The following TMEM87A variants were observed in gnomAD, a reference collection of about 807,000 sequenced individuals.
TMEM87A encodes transmembrane protein 87A.
In TMEM87A, 50 loss-of-function variants were observed where a neutral mutation model predicts 90.0. The ratio of observed to expected loss-of-function variants is 0.56; its 90% CI spans 0.44 to 0.70. The LOEUF (loss-of-function observed/expected upper bound fraction) is 0.70. TMEM87A is among the 30% of genes least tolerant of loss of function. TMEM87A has a pLI of 0.00. For synonymous variants in TMEM87A, 226 were observed against 226.7 expected, an observed-to-expected ratio of 1.00 and a Z score of 0.03; for missense variants, 577 against 660.5, an observed-to-expected ratio of 0.87 and a Z score of 1.39.
Position 42,237,630 on chromosome 15 carries a change from G to A in TMEM87A, c.685-15C>T. 1 of 1,547,166 alleles carries A rather than the reference G, an allele frequency of 6.5e-7. No homozygotes were observed. The highest frequency in any genetic ancestry group is 1.2e-5 in the South Asian group (1 of 80,010). On this transcript the variant is annotated splice_polypyrimidine_tract_variant and intron_variant, in intron 8 of 19. Transcript: ENST00000389834. The stretch of plus-strand genomic sequence containing the variant: ...ACCATGAAAAACTGTTATCAAATTG[G>A]GTAAAAGATAAAAAGGAGAATTAGG...
At chr15:42,250,439 G>A (rs115737040) in intron 6 of TMEM87A, among the ~76,000 whole-genome samples, 4,101 of 152,224 alleles carry the variant, frequency 0.027, 127 homozygotes, top group African/African-American at 0.072. Flanking sequence ...GCTTCCTTCC[G>A]GAACTCTTGT....
intron 3 of TMEM87A, among the ~76,000 whole-genome samples, chr15:42,265,275 G>A (rs181783713): frequency 2.0e-5 from 3 of 152,234 alleles, no homozygotes. Context: ...GCTCTTTGAG[G>A]AATTGCCACA....
chr15:42,221,373 A>G lies in TMEM87A; in HGVS notation c.1404-1238T>C, dbSNP rs190065502. On this transcript the variant is annotated intron_variant, in intron 15 of 19. Transcript: ENST00000389834. The stretch of plus-strand genomic sequence containing the variant: ...TCCTACATATTTGGAAAAGCTGTAT[A>G]TATTTTTAAAAGTTGCATTCGTAAG... Among the ~76,000 whole-genome samples, 509 of 152,342 alleles carry G rather than the reference A, an allele frequency of 3.3e-3. 2 individuals are homozygous for G. The highest frequency in any genetic ancestry group is 5.7e-3 in the Admixed American group (87 of 15,298).
chr15:42,242,578 G>C (rs1011319048), intron 7 of TMEM87A, among the ~76,000 whole-genome samples: 17 of 151,940 alleles, frequency 1.1e-4, no homozygotes, highest in Non-Finnish European at 1.8e-4. Context: ...AAGAGAGAGA[G>C]AGACAGACAG....
rs527910737 is a variant in TMEM87A at position 42,225,906 on chromosome 15, G to A, written c.1403+900C>T. On this transcript the variant is annotated intron_variant, in intron 15 of 19. Coordinates refer to ENST00000389834, the MANE Select transcript of TMEM87A (RefSeq NM_015497.5). ...TACTTACAGTTATACTTGGTTTTAT[G>A]GTGCTTCATTTTACTGTGCTTCCCA... 3.9e-5 allele frequency among the ~76,000 whole-genome samples: 6 copies of A among 152,162 alleles called. No homozygotes were observed. In the South Asian group the frequency reaches 6.2e-4, roughly 16 times the overall value.
intron 6 of TMEM87A, chr15:42,258,247 T>A (rs6493027): frequency 1.2e-6 from 1 of 821,322 alleles, no homozygotes; most frequent in Non-Finnish European, 1.5e-6. Context: ...AGTCATATAA[T>A]ACATACTCTA....
Position 42,261,131 on chromosome 15 carries a change from C to T in TMEM87A, c.459+65G>A, listed in dbSNP as rs948461170. 13 of 1,566,124 alleles carry T rather than the reference C, an allele frequency of 8.3e-6. No homozygotes were observed. The East Asian group carries it at 9.1e-5, about 11-fold the overall frequency. On this transcript the variant is annotated intron_variant, in intron 5 of 19. Transcript: ENST00000389834. ...TCCCTCCTTAGAGATGCAGTGAGCA[C>T]GGGTATCTCCTGCACCACCAAAGTT...
intron 4 of TMEM87A, chr15:42,262,252 TA>T (rs1053607556): frequency 1.3e-5 from 2 of 152,202 alleles, no homozygotes; most frequent in African/African-American, 4.8e-5. Flanking sequence ...GTCTAAGGGA[TA>T]AATTTGGAAA....
At chr15:42,238,531 T>C (rs1364268963) in intron 8 of TMEM87A, among the ~76,000 whole-genome samples, 1 of 151,964 alleles carries the variant, frequency 6.6e-6, no homozygotes, top group Non-Finnish European at 1.5e-5. Flanking sequence ...GATCGTGCCA[T>C]TCCACTCCAG....
intron 19 of TMEM87A, among the ~76,000 whole-genome samples, chr15:42,215,049 T>TC (rs1159625082): frequency 2.6e-5 from 4 of 152,268 alleles, no homozygotes; most frequent in Non-Finnish European, 4.4e-5. Context: ...CTAGATGTTA[T>TC]ATAGCCTACT....
At chr15:42,233,558 C>A (rs1344744299) in intron 10 of TMEM87A, among the ~76,000 whole-genome samples, 2 of 152,082 alleles carry the variant, frequency 1.3e-5, no homozygotes, top group African/African-American at 4.8e-5. Flanking sequence ...GAAACATATT[C>A]ACAAGTAGTA....
chr15:42,237,442 T>C lies in TMEM87A; in HGVS notation c.858A>G (p.Lys286=). ...FYAEFQNIRY[K]GESVQGALIL... is the part of the protein sequence containing the mutation. ...TTTCTGGTTACTTACCAGATTCTCC[T>C]TTGTATCGGATATTCTGAAATTCCG... The change falls in exon 9 of 20, where the codon AAA becomes AAG. Residue 286 remains lysine (K), a synonymous_variant. Transcript: ENST00000389834. 6.2e-7 allele frequency: 1 copy of C among 1,613,774 alleles called. No individual in the cohort carries two copies. The highest frequency in any genetic ancestry group is 8.5e-7 in the Non-Finnish European group (1 of 1,179,866).
chr15:42,251,141 T>C (rs984557307), intron 6 of TMEM87A, among the ~76,000 whole-genome samples: 1 of 152,192 alleles, frequency 6.6e-6, no homozygotes, highest in Non-Finnish European at 1.5e-5. Flanking sequence ...GCCATTCATC[T>C]ACTCTTTTTT....
rs8038346 is a variant in TMEM87A, at chr15:42,229,713, G to A, written c.1132-893C>T. ...ATTGGTTGAGAAGCTCATATGGTTTGCTTCCAAAAGCAATGACTCTCCATT... is the reference window on the plus strand; with the variant it reads ...ATTGGTTGAGAAGCTCATATGGTTTACTTCCAAAAGCAATGACTCTCCATT... On this transcript the variant is annotated intron_variant, in intron 12 of 19. Coordinates refer to ENST00000389834, the MANE Select transcript of TMEM87A (RefSeq NM_015497.5). Among the ~76,000 whole-genome samples the A allele has an allele frequency of 3.5e-3, 534 of 152,260 alleles. 4 individuals are homozygous for A. The highest frequency in any genetic ancestry group is 0.012 in the African/African-American group (514 of 41,548).
At chr15:42,272,759 C>A (rs2051566518) in intron 1 of TMEM87A, 1 of 345,494 alleles carries the variant, frequency 2.9e-6, no homozygotes, top group Non-Finnish European at 5.7e-6. Context: ...GCTTTCTAGT[C>A]ACACAGTAAA....
chr15:42,235,848 T>TA (rs1340136890), intron 10 of TMEM87A, among the ~76,000 whole-genome samples: 22 of 152,214 alleles, frequency 1.4e-4, no homozygotes, highest in Admixed American at 9.8e-4. Flanking sequence ...TCCACAAATG[T>TA]AAGCTCAAAA....
chr15:42,238,335 A>T (rs1399204275), intron 8 of TMEM87A, among the ~76,000 whole-genome samples: 4 of 152,152 alleles, frequency 2.6e-5, no homozygotes, highest in Admixed American at 2.0e-4. Context: ...TGGGAGGCAG[A>T]GATGGGCAGA....
chr15:42,261,100 C>T, intron 5 of TMEM87A, 96 bp downstream of exon 5: 1 of 1,537,998 alleles, frequency 6.5e-7, no homozygotes, highest in South Asian at 1.2e-5. Flanking sequence ...TCCCCAGGTG[C>T]AGCACTCCCT....
intron 2 of TMEM87A, among the ~76,000 whole-genome samples, chr15:42,270,904 C>T (rs532332139): frequency 9.2e-5 from 14 of 152,308 alleles, no homozygotes; most frequent in African/African-American, 3.1e-4. Flanking sequence ...GAGGGAAGAA[C>T]ATTTTTCTAT....
Sources: allele counts gnomAD v4.1 joint callset (sites outside exome capture counted in the v4.1 genomes callset), GRCh38; gene constraint gnomAD v4.1.1; transcripts MANE v1.5; gene names NCBI Gene and HGNC (gene_info 2026-07-23, HGNC 2026-07-21).